The following PARD3 variants were observed in gnomAD, a reference collection of about 807,000 sequenced individuals.
PARD3 encodes partitioning defective 3 homolog.
Under a neutral mutation model 155.4 loss-of-function variants are expected in PARD3, and 75 were observed. The observed-to-expected ratio is 0.48, with a 90% CI of 0.40 to 0.58. The LOEUF (loss-of-function observed/expected upper bound fraction) is 0.58, where lower values mean the gene tolerates loss of function less well. Among genes scored for constraint, PARD3 ranks in the 20% least tolerant of loss-of-function variants. The probability of loss-of-function intolerance (pLI) is 0.00; values close to 1 mark genes in which losing one functional copy is unlikely to be tolerated. For missense variants in PARD3, 1,642 were observed against 1,721.7 expected (o/e 0.95, Z 0.82); for synonymous variants, 576 against 610.5 (o/e 0.94, Z 0.83).
intron 2 of PARD3, among the ~76,000 whole-genome samples, chr10:34,521,500 T>C (rs1444132552): frequency 1.3e-5 from 2 of 152,186 alleles, no homozygotes; most frequent in African/African-American, 2.4e-5. Context: ...ATTTAACAGA[T>C]GGAATCTTCA....
chr10:34,412,575 G>C (rs777556191), intron 5 of PARD3, among the ~76,000 whole-genome samples: 1 of 152,202 alleles, frequency 6.6e-6, no homozygotes, highest in Non-Finnish European at 1.5e-5. Context: ...CATTTCAACA[G>C]ATGTATTTAT....
chr10:34,480,868 A>C (rs774000), intron 3 of PARD3, among the ~76,000 whole-genome samples: 76,184 of 145,950 alleles, frequency 0.52, 23,076 homozygotes, highest in African/African-American at 0.86. Flanking sequence ...GTGGCGCGAT[A>C]TCGGCTCACT....
chr10:34,536,445 A>G (rs1177014010), intron 2 of PARD3, among the ~76,000 whole-genome samples: 1 of 152,260 alleles, frequency 6.6e-6, no homozygotes, highest in Admixed American at 6.5e-5. Context: ...CAAAGACTGT[A>G]AACAACATGT....
At chr10:34,369,031 C>T (rs1193284860) in intron 12 of PARD3, among the ~76,000 whole-genome samples, 1 of 151,052 alleles carries the variant, frequency 6.6e-6, no homozygotes, top group Non-Finnish European at 1.5e-5. Flanking sequence ...TTTTTTTCCC[C>T]CCTCAACATA....
intron 22 of PARD3, among the ~76,000 whole-genome samples, chr10:34,260,172 G>A (rs148161233): frequency 1.3e-5 from 2 of 151,716 alleles, no homozygotes; most frequent in East Asian, 1.9e-4. Context: ...ATGGGTTTTC[G>A]CCATGTTGCC....
At chr10:34,574,543 A>G (rs2086737065) in intron 2 of PARD3, among the ~76,000 whole-genome samples, 1 of 152,180 alleles carries the variant, frequency 6.6e-6, no homozygotes, top group Non-Finnish European at 1.5e-5. Context: ...CAAAATAGTG[A>G]CCCATCCCAG....
At chr10:34,597,839 C>A (rs967460038) in intron 2 of PARD3, among the ~76,000 whole-genome samples, 2 of 151,994 alleles carry the variant, frequency 1.3e-5, no homozygotes, top group South Asian at 4.2e-4. Flanking sequence ...AGCAGGAGGG[C>A]GAACTGCACT....
At position 34,561,046 on chromosome 10, in the gene PARD3, G is replaced by A. The variant is rs183690425; in HGVS notation, c.223-43887C>T. On this transcript the variant is annotated intron_variant, in intron 2 of 24. Coordinates refer to ENST00000374788, the MANE Select transcript of PARD3 (RefSeq NM_001184785.2). ...TAAAAACAGGCAGCCCTGCTACTCA[G>A]CGTCAAGTGTGCAGTTGCTGACATT... Among the ~76,000 whole-genome samples, 458 of 152,302 alleles carry A rather than the reference G, an allele frequency of 3.0e-3. 2 individuals carry two copies. Among genetic ancestry groups the A allele is most frequent in the African/African-American group, 9.7e-3 (403 of 41,564 alleles).
At chr10:34,473,440 A>T (rs2078493272) in intron 3 of PARD3, among the ~76,000 whole-genome samples, 1 of 152,074 alleles carries the variant, frequency 6.6e-6, no homozygotes, top group African/African-American at 2.4e-5. Context: ...TAATCCCAGC[A>T]CCTTGGGAGG....
chr10:34,238,375 T>A (rs1953369699), intron 22 of PARD3, among the ~76,000 whole-genome samples: 1 of 152,232 alleles, frequency 6.6e-6, no homozygotes, highest in South Asian at 2.1e-4. Context: ...CTCTCCTGGT[T>A]GTTTTAATTT....
At chr10:34,137,972 G>A (rs1947990885) in intron 22 of PARD3, among the ~76,000 whole-genome samples, 1 of 152,176 alleles carries the variant, frequency 6.6e-6, no homozygotes, top group African/African-American at 2.4e-5. Context: ...ACAGCATTAT[G>A]GGGGCTGTAC....
chr10:34,495,997 G>C (rs940861432), intron 3 of PARD3, among the ~76,000 whole-genome samples: 3 of 152,076 alleles, frequency 2.0e-5, no homozygotes, highest in African/African-American at 7.2e-5. Context: ...GAGCTCAGGA[G>C]TTTGAGACCA....
intron 1 of PARD3, among the ~76,000 whole-genome samples, chr10:34,717,023 AC>A (rs1373275287): frequency 2.0e-5 from 3 of 152,104 alleles, no homozygotes; most frequent in African/African-American, 7.2e-5. Context: ...CCAAGATAAC[AC>A]CACTTCTTCC....
At chr10:34,601,150 G>A (rs931888436) in intron 2 of PARD3, among the ~76,000 whole-genome samples, 1 of 151,614 alleles carries the variant, frequency 6.6e-6, no homozygotes, top group Non-Finnish European at 1.5e-5. Flanking sequence ...GCCAGGCACA[G>A]CGGCTCACCC....
intron 2 of PARD3, among the ~76,000 whole-genome samples, chr10:34,666,459 C>T (rs2496731): frequency 0.44 from 66,723 of 151,670 alleles, 16,172 homozygotes; most frequent in African/African-American, 0.66. Context: ...AGTATTACCA[C>T]TAGACTCTAG....
intron 21 of PARD3, among the ~76,000 whole-genome samples, chr10:34,282,839 A>C (rs1956220413): frequency 6.6e-6 from 1 of 152,174 alleles, no homozygotes; most frequent in African/African-American, 2.4e-5. Flanking sequence ...CTATGCACCC[A>C]AACCCAAAAA....
At position 34,401,831 on chromosome 10, in the gene PARD3, A is replaced by G. The variant is rs118044550; in HGVS notation, c.801T>C (p.Ser267=). The G allele has an allele frequency of 2.1e-5, 34 of 1,608,030 alleles. No individual in the cohort carries two copies. In the African/African-American group the frequency reaches 4.3e-4, roughly 20 times the overall value. ...TGAAACCATCAGTAACTTACTCCAG[A>G]GAAAAGTTGGGTATATGCTCCAAAC... ...DTGLEHIPNF[S]LDDMVKLVEV... The change falls in exon 6 of 25, where the codon TCT becomes TCC. Residue 267 remains serine (S), a synonymous_variant. Coordinates refer to ENST00000374788, the MANE Select transcript of PARD3 (RefSeq NM_001184785.2).
At chr10:34,712,124 C>T (rs559282528) in intron 1 of PARD3, among the ~76,000 whole-genome samples, 1 of 152,314 alleles carries the variant, frequency 6.6e-6, no homozygotes, top group Admixed American at 6.5e-5. Context: ...CAAAACTCAC[C>T]TTGGCCAACC....
chr10:34,593,018 A>G (rs927986829), intron 2 of PARD3, among the ~76,000 whole-genome samples: 5 of 152,228 alleles, frequency 3.3e-5, no homozygotes, highest in Non-Finnish European at 5.9e-5. Flanking sequence ...ATGAAAGACA[A>G]ATGGATGCTG....
Sources: gnomAD v4.1 joint callset for allele counts (sites outside exome capture counted in the v4.1 genomes callset) on GRCh38, gnomAD v4.1.1 for gene constraint, MANE v1.5 for transcripts, NCBI Gene and HGNC (gene_info 2026-07-23, HGNC 2026-07-21) for gene names.